MKRN1: variants seen among roughly 807,000 people sequenced by gnomAD.
MKRN1 encodes the protein E3 ubiquitin-protein ligase makorin-1.
A neutral mutation model predicts 55.5 loss-of-function variants in MKRN1; 9 were observed. The ratio of observed to expected loss-of-function variants is 0.16; its 90% CI spans 0.10 to 0.28. The LOEUF is 0.28. Ranked by LOEUF, MKRN1 falls within the 10% of genes least tolerant of loss-of-function variation. MKRN1 has a pLI of 1.00. For synonymous variants in MKRN1, 253 were observed against 235.9 expected, an observed-to-expected ratio of 1.07 and a Z score of -0.66; for missense variants, 488 against 626.7, an observed-to-expected ratio of 0.78 and a Z score of 2.36.
Position 140,454,377 on chromosome 7 carries a change from C to T in MKRN1, c.*140G>A. 1.4e-6 allele frequency: 1 copy of T among 730,784 alleles called. No homozygotes were observed. The highest frequency in any genetic ancestry group is 1.7e-5 in the South Asian group (1 of 57,884). 45.3% of individuals were successfully genotyped at this position (730,784 alleles called of 1,614,324 possible). A position where few individuals can be genotyped will look rare whatever the true frequency, so the allele number is the denominator to read the frequency against. On this transcript the variant is annotated 3_prime_UTR_variant, in exon 8 of 8. Coordinates refer to ENST00000255977, the MANE Select transcript of MKRN1 (RefSeq NM_013446.4). ...AGGGAAAGGTGAGGGGTTGAGAAGA[C>T]AGGCCCTGGGTAAAAATTCTTAGGA...
chr7:140,472,667 C>T (rs1425159335), intron 1 of MKRN1, among the ~76,000 whole-genome samples: 3 of 151,250 alleles, frequency 2.0e-5, no homozygotes, highest in South Asian at 2.1e-4. Context: ...AGATTACAAG[C>T]GTGAGCCACT....
intron 1 of MKRN1, chr7:140,478,873 C>G (rs1795202015): frequency 3.7e-6 from 1 of 269,710 alleles, no homozygotes; most frequent in Non-Finnish European, 6.9e-6. Context: ...TCAGGCAGCG[C>G]TCAGGGAAGT....
At chr7:140,476,173 A>C (rs1795110946) in intron 1 of MKRN1, among the ~76,000 whole-genome samples, 1 of 152,154 alleles carries the variant, frequency 6.6e-6, no homozygotes, top group African/African-American at 2.4e-5. Context: ...CCTCTACCTG[A>C]TTCTTTAGGT....
intron 2 of MKRN1, among the ~76,000 whole-genome samples, chr7:140,462,920 C>T (rs1039454474): frequency 2.0e-5 from 3 of 152,108 alleles, no homozygotes; most frequent in Non-Finnish European, 2.9e-5. Context: ...GAGCCAAGAA[C>T]GCACCACTGC....
At chr7:140,455,648 T>C in intron 6 of MKRN1, 142 bp downstream of exon 6, 1 of 659,342 alleles carries the variant, frequency 1.5e-6, no homozygotes, top group Non-Finnish European at 2.7e-6. Context: ...CTGGATGTTA[T>C]CAGGGTGACA....
intron 2 of MKRN1, among the ~76,000 whole-genome samples, chr7:140,462,046 T>C (rs1030298672): frequency 2.0e-5 from 3 of 152,206 alleles, no homozygotes; most frequent in African/African-American, 7.2e-5. Flanking sequence ...AATTGACTGA[T>C]TTTCAGAGAC....
intron 2 of MKRN1, among the ~76,000 whole-genome samples, chr7:140,467,644 C>T (rs1018649584): frequency 2.0e-5 from 3 of 152,136 alleles, no homozygotes; most frequent in Non-Finnish European, 2.9e-5. Flanking sequence ...GGGAACCTAC[C>T]TAATTTCCTC....
chr7:140,476,213 G>A (rs990172285), intron 1 of MKRN1, among the ~76,000 whole-genome samples: 2 of 152,106 alleles, frequency 1.3e-5, no homozygotes, highest in African/African-American at 4.8e-5. Flanking sequence ...TATTGAAAAT[G>A]TTTATTTATA....
chr7:140,455,471 G>A (rs941103233), intron 6 of MKRN1: 45 of 573,494 alleles, frequency 7.8e-5, no homozygotes, highest in African/African-American at 6.3e-4. Context: ...GCCATAGAGA[G>A]AAAATCTTCT....
rs142266018 is a variant in MKRN1 at position 140,471,889 on chromosome 7, C to T, written c.308G>A (p.Arg103His). 1.1e-5 allele frequency: 18 copies of T among 1,612,876 alleles called. No homozygotes were observed. The Admixed American group carries it at 1.5e-4, about 13-fold the overall frequency. Residue 103 changes from arginine to histidine, a missense_variant, in exon 2 of 8, where the codon CGC becomes CAC. Physicochemically the swap from Arg to His is conservative, Grantham distance 29 (BLOSUM62 0). Around this residue, in one of 2 missense-constraint regions of MKRN1, gnomAD observed 210 missense variants for 220.0 expected, o/e 0.95. Coordinates refer to ENST00000255977, the MANE Select transcript of MKRN1 (RefSeq NM_013446.4). ...TTTATAAACAAATTCTTACCTGCAGCGGTCTCCATAAATACAGTACCCTCG... is the reference window on the plus strand; with the variant it reads ...TTTATAAACAAATTCTTACCTGCAGTGGTCTCCATAAATACAGTACCCTCG... ...FQRGYCIYGDRCRYEHSKPLK... is the reference protein window; with the variant it reads ...FQRGYCIYGDHCRYEHSKPLK...
chr7:140,458,987 A>C lies in MKRN1; in HGVS notation c.771+20T>G. On this transcript the variant is annotated intron_variant, in intron 4 of 7. Transcript: ENST00000255977. ...ATGATTCTCACATCTAATAACACAC[A>C]CATCTCCCTAAAGACTTACTTTGAT... 6.2e-7 allele frequency: 1 copy of C among 1,610,126 alleles called. No individual in the cohort carries two copies. The highest frequency in any genetic ancestry group is 8.5e-7 in the Non-Finnish European group (1 of 1,176,452).
At chr7:140,478,217 C>T (rs1585504512) in intron 1 of MKRN1, 2 of 152,184 alleles carry the variant, frequency 1.3e-5, no homozygotes, top group Middle Eastern at 3.2e-3. Flanking sequence ...AGCTTACAGT[C>T]GCTACTGATC....
At chr7:140,461,846 G>T (rs1446678688) in intron 2 of MKRN1, among the ~76,000 whole-genome samples, 1 of 152,014 alleles carries the variant, frequency 6.6e-6, no homozygotes. Flanking sequence ...AGCCAGGCAT[G>T]GTGGCGCATG....
At chr7:140,462,974 T>C (rs1794666826) in intron 2 of MKRN1, among the ~76,000 whole-genome samples, 1 of 148,660 alleles carries the variant, frequency 6.7e-6, no homozygotes, top group South Asian at 2.1e-4. Context: ...TCAGAACCAA[T>C]AAAGACTATG....
At chr7:140,455,750 G>C (rs1214260896) in intron 6 of MKRN1, 40 bp downstream of exon 6, 2 of 1,496,894 alleles carry the variant, frequency 1.3e-6, no homozygotes, top group Non-Finnish European at 1.9e-6. Flanking sequence ...CCCAAGCTCT[G>C]TTGGGCTCTT....
Position 140,472,123 on chromosome 7 carries a change from T to C in MKRN1, c.186-112A>G, listed in dbSNP as rs1794946228. On this transcript the variant is annotated intron_variant, in intron 1 of 7. Transcript: ENST00000255977. ...CCAGTAAATACACAAACATACGAAA[T>C]AAACACAAAGAAAGGGCCAGGCATG... 11 of 1,438,276 alleles carry C rather than the reference T, an allele frequency of 7.6e-6. No individual in the cohort carries two copies. In the Middle Eastern group the frequency reaches 9.2e-4, roughly 120 times the overall value. 89.1% of individuals were successfully genotyped at this position (1,438,276 alleles called of 1,614,324 possible).
Position 140,479,369 on chromosome 7 carries a change from G to T in MKRN1, c.-25C>A. 7.8e-7 allele frequency: 1 copy of T among 1,278,602 alleles called. No homozygotes were observed. Among genetic ancestry groups the T allele is most frequent in the South Asian group, 2.8e-5 (1 of 35,288 alleles). 79.2% of individuals were successfully genotyped at this position (1,278,602 alleles called of 1,614,324 possible). On this transcript the variant is annotated 5_prime_UTR_variant, in exon 1 of 8. Transcript: ENST00000255977. ...TTACTGTTTATCCCACACAGCAAAG[G>T]CCCCGGAACTTCCGGGATCACATAG...
intron 2 of MKRN1, among the ~76,000 whole-genome samples, chr7:140,460,865 G>A (rs1439750865): frequency 6.6e-6 from 1 of 152,228 alleles, no homozygotes; most frequent in Non-Finnish European, 1.5e-5. Context: ...AAACTGCAGT[G>A]CAAAAGCAGG....
Position 140,459,634 on chromosome 7 carries a change from T to C in MKRN1, c.544+73A>G, listed in dbSNP as rs1047757397. ...AGGAATAGAAGCAGAAAGGGGAAAG[T>C]TGTCAAAACTAAGCAAATGGATGAA... On this transcript the variant is annotated intron_variant, in intron 3 of 7. Transcript: ENST00000255977. 1.2e-5 allele frequency: 17 copies of C among 1,419,814 alleles called. No individual in the cohort carries two copies. The East Asian group carries it at 2.3e-4, about 19-fold the overall frequency. The allele number at this position is 1,419,814 out of a possible 1,614,324, so 88.0% of individuals were successfully genotyped here.
Sources: gnomAD v4.1 joint callset for allele counts (sites outside exome capture counted in the v4.1 genomes callset) on GRCh38, gnomAD v4.1.1 for gene constraint, gnomAD v4.1.1 regional missense constraint, MANE v1.5 for transcripts, NCBI Gene and HGNC (gene_info 2026-07-23, HGNC 2026-07-21) for gene names.